The following TENM2 variants were observed in gnomAD, a reference collection of about 807,000 sequenced individuals.
TENM2 encodes the protein teneurin-2.
TENM2 carries 52 observed loss-of-function variants against 245.2 expected under a neutral mutation model. The observed-to-expected ratio is 0.21, with a 90% confidence interval of 0.17 to 0.27. The LOEUF (loss-of-function observed/expected upper bound fraction) is 0.27, where lower values mean the gene tolerates loss of function less well. Ranked by LOEUF, TENM2 falls within the 10% of genes least tolerant of loss-of-function variation. The probability of loss-of-function intolerance (pLI) is 1.00; values close to 1 mark genes in which losing one functional copy is unlikely to be tolerated. For missense variants in TENM2, 3,046 were observed against 3,666.8 expected (o/e 0.83, Z 4.37); for synonymous variants, 1,363 against 1,438.9 (o/e 0.95, Z 1.19).
intron 5 of TENM2, among the ~76,000 whole-genome samples, chr5:167,999,870 T>C (rs1272048207): frequency 1.3e-5 from 2 of 152,024 alleles, no homozygotes. Context: ...CAGAGAGGAG[T>C]GATAGGTGCC....
intron 2 of TENM2, among the ~76,000 whole-genome samples, chr5:167,801,864 T>C (rs1457707171): frequency 6.6e-6 from 1 of 151,428 alleles, no homozygotes; most frequent in Admixed American, 6.6e-5. Flanking sequence ...GGAAGCGTCT[T>C]AGTCCATTTG....
the TENM2 span, among the ~76,000 whole-genome samples, chr5:167,043,206 C>A: frequency 6.6e-6 from 1 of 152,138 alleles, no homozygotes; most frequent in Admixed American, 6.5e-5. Flanking sequence ...GCACCTACTG[C>A]GTGGTAAGCC....
At chr5:167,586,081 C>T (rs1324858112) in intron 2 of TENM2, among the ~76,000 whole-genome samples, 1 of 152,118 alleles carries the variant, frequency 6.6e-6, no homozygotes, top group African/African-American at 2.4e-5. Flanking sequence ...CACCACTACA[C>T]TCCAGCCTGG....
At chr5:168,195,385 C>G in intron 15 of TENM2, 90 bp downstream of exon 17, 2 of 1,461,452 alleles carry the variant, frequency 1.4e-6, no homozygotes, top group Non-Finnish European at 1.9e-6. Context: ...CCACAGGATT[C>G]CCCCTGGTGG....
chr5:167,906,910 C>G (rs1340886637), intron 3 of TENM2, among the ~76,000 whole-genome samples: 3 of 152,134 alleles, frequency 2.0e-5, no homozygotes, highest in Non-Finnish European at 4.4e-5. Flanking sequence ...GACCCTCCAT[C>G]CTGGATGATG....
chr5:167,134,566 G>A, the TENM2 span, among the ~76,000 whole-genome samples: 1 of 152,186 alleles, frequency 6.6e-6, no homozygotes, highest in Admixed American at 6.5e-5. Flanking sequence ...CAAGAAGAAA[G>A]TTTGCAAAAT....
At chr5:167,482,078 A>G (rs952240601) in intron 2 of TENM2, among the ~76,000 whole-genome samples, 21 of 152,186 alleles carry the variant, frequency 1.4e-4, no homozygotes, top group African/African-American at 5.1e-4. Context: ...TCAAAAATGT[A>G]ATTTTCCCCT....
chr5:168,207,973 G>A (rs1047180663), intron 19 of TENM2, among the ~76,000 whole-genome samples: 2 of 152,172 alleles, frequency 1.3e-5, no homozygotes, highest in East Asian at 3.8e-4. Context: ...CCATACTCCT[G>A]TCCCATAGAA....
intron 2 of TENM2, among the ~76,000 whole-genome samples, chr5:167,756,156 G>A (rs1424108430): frequency 6.6e-6 from 1 of 152,108 alleles, no homozygotes; most frequent in Non-Finnish European, 1.5e-5. Flanking sequence ...GTTTTCTTAT[G>A]TATATGAACT....
intron 2 of TENM2, among the ~76,000 whole-genome samples, chr5:167,460,435 G>A (rs1766223924): frequency 6.6e-6 from 1 of 152,078 alleles, no homozygotes; most frequent in Admixed American, 6.6e-5. Flanking sequence ...GAATTGAGAT[G>A]GGGATTCAGC....
chr5:167,032,964 T>C, the TENM2 span, among the ~76,000 whole-genome samples: 4 of 152,168 alleles, frequency 2.6e-5, no homozygotes, highest in Non-Finnish European at 4.4e-5. Flanking sequence ...TGAATGACTT[T>C]CTTTTTCAGC....
chr5:168,238,188 AGG>A lies in TENM2; in HGVS notation c.5521-6230_5521-6229del, dbSNP rs1412650394. Among the ~76,000 whole-genome samples the A allele has an allele frequency of 9.0e-4, 33 of 36,586 alleles. 2 individuals carry two copies. Among genetic ancestry groups the A allele is most frequent in the African/African-American group, 7.9e-3 (28 of 3,554 alleles). 24.0% of individuals were successfully genotyped at this position (36,586 alleles called of 152,430 possible). A position where few individuals can be genotyped will look rare whatever the true frequency, so the allele number is the denominator to read the frequency against. ...GAGAGAGAGAGAGAGAGAGAGAGGGAGGGAGGGAGGGAGGGAGGGAGGGAGGG... is the reference window on the plus strand; with the variant it reads ...GAGAGAGAGAGAGAGAGAGAGAGGGAGAGGGAGGGAGGGAGGGAGGGAGGG... On this transcript the variant is annotated intron_variant, in intron 25 of 28. Coordinates refer to ENST00000518659, the Ensembl canonical transcript of TENM2.
At chr5:167,066,130 T>C in the TENM2 span, among the ~76,000 whole-genome samples, 3 of 152,114 alleles carry the variant, frequency 2.0e-5, no homozygotes, top group Admixed American at 6.6e-5. Context: ...GTGAATATGA[T>C]GAACAACTGG....
At chr5:167,847,892 C>T (rs1214092317) in intron 2 of TENM2, among the ~76,000 whole-genome samples, 2 of 152,202 alleles carry the variant, frequency 1.3e-5, no homozygotes, top group Admixed American at 1.3e-4. Flanking sequence ...ATTTTCCCAT[C>T]TACTACTAAC....
At position 167,812,127 on chromosome 5, in the gene TENM2, T is replaced by C. The variant is rs188554118; in HGVS notation, c.503-63859T>C. Reference sequence around the variant, plus strand: ...ACCTTTCTAAATTTAGTAAACTTCATAAATAAAGACTTAAAGTGCTACATA... The same window carrying C: ...ACCTTTCTAAATTTAGTAAACTTCACAAATAAAGACTTAAAGTGCTACATA... On this transcript the variant is annotated intron_variant, in intron 2 of 28. Transcript: ENST00000518659. Among the ~76,000 whole-genome samples the C allele has an allele frequency of 4.5e-4, 69 of 152,240 alleles. No individual in the cohort carries two copies. In the Middle Eastern group the frequency reaches 0.014, roughly 30 times the overall value.
chr5:167,694,162 C>A (rs1254852146), intron 2 of TENM2, among the ~76,000 whole-genome samples: 1 of 152,152 alleles, frequency 6.6e-6, no homozygotes, highest in Non-Finnish European at 1.5e-5. Context: ...CTGCACTTAT[C>A]CAGCTCAATT....
At chr5:167,630,240 T>C (rs1778778980) in intron 2 of TENM2, among the ~76,000 whole-genome samples, 1 of 152,052 alleles carries the variant, frequency 6.6e-6, no homozygotes, top group East Asian at 1.9e-4. Flanking sequence ...TCACAACTCT[T>C]GTGCTTTGGG....
intron 4 of TENM2, among the ~76,000 whole-genome samples, chr5:167,969,990 G>A (rs148439264): frequency 1.0e-3 from 153 of 152,282 alleles, no homozygotes; most frequent in African/African-American, 3.5e-3. Context: ...ATGGAGGGCT[G>A]GCAGGCAAAA....
chr5:167,103,501 C>T, the TENM2 span, among the ~76,000 whole-genome samples: 1 of 152,210 alleles, frequency 6.6e-6, no homozygotes, highest in Non-Finnish European at 1.5e-5. Context: ...CACACTCCTT[C>T]TTAACCCTTT....
Sources: gnomAD v4.1 joint callset for allele counts (sites outside exome capture counted in the v4.1 genomes callset) on GRCh38, gnomAD v4.1.1 for gene constraint, MANE v1.5 for transcripts, NCBI Gene and HGNC (gene_info 2026-07-23, HGNC 2026-07-21) for gene names.